The following FBXL19 variants were observed in gnomAD, a reference collection of about 807,000 sequenced individuals.
FBXL19 encodes the protein F-box/LRR-repeat protein 19.
Under a neutral mutation model 71.2 loss-of-function variants are expected in FBXL19, and 16 were observed. That is an observed-to-expected ratio of 0.22 (90% CI 0.15 to 0.34). The LOEUF is 0.34. FBXL19 is among the 10% of genes least tolerant of loss of function. The pLI is 1.00. For synonymous variants in FBXL19, 447 were observed against 409.4 expected (o/e 1.09, Z -1.11); for missense variants, 658 against 968.2 (o/e 0.68, Z 4.25).
In FBXL19 at chr16:30,931,200, T is replaced by A. The variant is rs79714718; in HGVS notation, c.1301+616T>A. 2.5e-3 allele frequency among the ~76,000 whole-genome samples: 375 copies of A among 152,124 alleles called. 1 individual carries two copies. Among genetic ancestry groups the A allele is most frequent in the Non-Finnish European group, 3.6e-3 (242 of 67,998 alleles). The stretch of plus-strand genomic sequence containing the variant: ...GAAATGTCGGTCATCCTCCCGAGCC[T>A]CTTGTCTTCCTCTCTGATCTCGCCC... On this transcript the variant is annotated intron_variant, in intron 7 of 10. Transcript: ENST00000338343.
At chr16:30,931,127 C>A (rs926683543) in intron 7 of FBXL19, among the ~76,000 whole-genome samples, 1 of 152,110 alleles carries the variant, frequency 6.6e-6, no homozygotes, top group African/African-American at 2.4e-5. Flanking sequence ...TGCCCTGGAG[C>A]CACCACTAAT....
intron 1 of FBXL19, chr16:30,924,697 TC>T: frequency 6.9e-7 from 1 of 1,449,766 alleles, no homozygotes; most frequent in South Asian, 1.5e-5. Context: ...TCCAGGCCCC[TC>T]CCCTGGAGCG....
intron 6 of FBXL19, among the ~76,000 whole-genome samples, chr16:30,928,948 C>T (rs951013809): frequency 6.6e-6 from 1 of 152,208 alleles, no homozygotes; most frequent in Non-Finnish European, 1.5e-5. Context: ...TGTCAGCCAC[C>T]CTGAGCCTTA....
chr16:30,928,144 G>A (rs140284574), intron 5 of FBXL19, among the ~76,000 whole-genome samples, 181 bp downstream of exon 5: 6 of 151,710 alleles, frequency 4.0e-5, no homozygotes, highest in Non-Finnish European at 8.8e-5. Flanking sequence ...TGTGGAGGAG[G>A]GGGGGGACAG....
chr16:30,936,816 C>G (rs1232474004), intron 7 of FBXL19, among the ~76,000 whole-genome samples: 2 of 149,592 alleles, frequency 1.3e-5, no homozygotes, highest in African/African-American at 5.0e-5. Flanking sequence ...GGTCTCGGCT[C>G]ACTGCAACCT....
chr16:30,942,601 G>T lies in FBXL19; in HGVS notation c.1627+65G>T. On this transcript the variant is annotated intron_variant, in intron 9 of 10. Coordinates refer to ENST00000338343, the MANE Select transcript of FBXL19 (RefSeq NM_001382779.1). The surrounding 1 kb of genome is among the most constrained non-coding windows in gnomAD (Gnocchi z 5.7). ...AAGGGTAGGGTAGGAGGCCTCTCAG[G>T]TCTCTTCTGACTCATGCTGGATGGT... 2 of 1,480,736 alleles carry T rather than the reference G, an allele frequency of 1.4e-6. No homozygotes were observed. Among genetic ancestry groups the T allele is most frequent in the Non-Finnish European group, 9.0e-7 (1 of 1,114,864 alleles). 91.7% of individuals were successfully genotyped at this position (1,480,736 alleles called of 1,614,324 possible). A position where few individuals can be genotyped will look rare whatever the true frequency, so the allele number is the denominator to read the frequency against.
intron 7 of FBXL19, among the ~76,000 whole-genome samples, chr16:30,935,478 G>A (rs1316900180): frequency 1.3e-5 from 2 of 152,168 alleles, no homozygotes; most frequent in Admixed American, 6.6e-5. Context: ...CAGCAGGGAA[G>A]GCGTGCAGGG....
chr16:30,931,362 G>A (rs2143333115), intron 7 of FBXL19, among the ~76,000 whole-genome samples: 1 of 152,086 alleles, frequency 6.6e-6, no homozygotes, highest in East Asian at 1.9e-4. Context: ...GCTGGGGTGG[G>A]AGCAGATAAC....
At chr16:30,931,809 C>T (rs1444879959) in intron 7 of FBXL19, among the ~76,000 whole-genome samples, 1 of 152,094 alleles carries the variant, frequency 6.6e-6, no homozygotes, top group East Asian at 1.9e-4. Context: ...TGATTGCAAC[C>T]TCTGCCTCCC....
At chr16:30,931,789 T>C (rs1194718865) in intron 7 of FBXL19, among the ~76,000 whole-genome samples, 3 of 152,076 alleles carry the variant, frequency 2.0e-5, no homozygotes, top group Admixed American at 2.0e-4. Flanking sequence ...TGCAGTGGCA[T>C]GATCTTGGCT....
intron 9 of FBXL19, among the ~76,000 whole-genome samples, chr16:30,944,993 G>A (rs2055843106): frequency 6.6e-6 from 1 of 152,222 alleles, no homozygotes; most frequent in Non-Finnish European, 1.5e-5. Flanking sequence ...CTGGTGGGAA[G>A]GAGTGCCTAG....
chr16:30,922,859 G>A, upstream of FBXL19: 1 of 353,304 alleles, frequency 2.8e-6, no homozygotes, highest in Non-Finnish European at 5.7e-6. Flanking sequence ...GGGATTTCGA[G>A]ACCACAGGCG....
At chr16:30,939,702 G>A (rs1684888116) in intron 7 of FBXL19, among the ~76,000 whole-genome samples, 1 of 152,008 alleles carries the variant, frequency 6.6e-6, no homozygotes, top group Non-Finnish European at 1.5e-5. Flanking sequence ...ACACGCATGA[G>A]CCACCGCGCC....
Position 30,937,193 on chromosome 16 carries a change from T to C in FBXL19, c.1302-4923T>C, listed in dbSNP as rs565454934. ...GTTAGTAGTGCTGAAGTCACTGTGA[T>C]CAGCGTGACTCTGGTTATGATGATG... On this transcript the variant is annotated intron_variant, in intron 7 of 10. Transcript: ENST00000338343. Among the ~76,000 whole-genome samples, 33 of 152,210 alleles carry C rather than the reference T, an allele frequency of 2.2e-4. 1 individual carries two copies. Among genetic ancestry groups the C allele is most frequent in the Admixed American group, 1.4e-3 (22 of 15,282 alleles).
chr16:30,930,612 C>T lies in FBXL19; in HGVS notation c.1301+28C>T, dbSNP rs868810585. On this transcript the variant is annotated intron_variant, in intron 7 of 10. Transcript: ENST00000338343. This position sits in a 1 kb window ranked among gnomAD's most constrained non-coding sequence, Gnocchi z 8.5. ...GAGTGGCCTGGACAGGCCTGCGTTC[C>T]GTGGCCAGCAGGCTTCCCGCTTGCT... The T allele has an allele frequency of 2.9e-5, 41 of 1,404,982 alleles. No individual in the cohort carries two copies. The highest frequency in any genetic ancestry group is 9.5e-5 in the Admixed American group (3 of 31,594). 87.0% of individuals were successfully genotyped at this position (1,404,982 alleles called of 1,614,324 possible).
In FBXL19 at chr16:30,925,522, G is replaced by A; in HGVS notation, c.-24-209G>A. 2.1e-6 allele frequency: 1 copy of A among 469,544 alleles called. No homozygotes were observed. Among genetic ancestry groups the A allele is most frequent in the South Asian group, 4.7e-5 (1 of 21,306 alleles). 29.1% of individuals were successfully genotyped at this position (469,544 alleles called of 1,614,324 possible). The stretch of plus-strand genomic sequence containing the variant: ...GGAGGCGGTAGAGGAGCGAGGCCAG[G>A]AAGCAGTTCTTGGGCTCCTCTTGAG... On this transcript the variant is annotated intron_variant, in intron 1 of 10. Transcript: ENST00000338343. The surrounding 1 kb of genome is among the most constrained non-coding windows in gnomAD (Gnocchi z 5.0).
At chr16:30,937,022 G>A (rs991247711) in intron 7 of FBXL19, among the ~76,000 whole-genome samples, 6 of 152,122 alleles carry the variant, frequency 3.9e-5, no homozygotes, top group Non-Finnish European at 5.9e-5. Flanking sequence ...ATTAACAGGC[G>A]TGAGCCACCG....
chr16:30,936,610 T>TC (rs1431673483), intron 7 of FBXL19, among the ~76,000 whole-genome samples: 1 of 148,148 alleles, frequency 6.8e-6, no homozygotes, highest in Non-Finnish European at 1.5e-5. Flanking sequence ...TCTTTTTTTT[T>TC]TTTTTTTTTT....
chr16:30,946,684 G>C lies in FBXL19; in HGVS notation c.1628-46G>C, dbSNP rs1195287869. The C allele has an allele frequency of 6.4e-7, 1 of 1,559,018 alleles. No individual in the cohort carries two copies. The highest frequency in any genetic ancestry group is 1.4e-5 in the African/African-American group (1 of 73,994). ...CAGATGGTCTGGATACCTGGGCGCA[G>C]GGATGGGAGTGGCCAGGAGTGCTGA... On this transcript the variant is annotated intron_variant, in intron 9 of 10. Transcript: ENST00000338343. The surrounding 1 kb of genome is among the most constrained non-coding windows in gnomAD (Gnocchi z 6.7).
Sources: gnomAD v4.1 joint callset for allele counts (sites outside exome capture counted in the v4.1 genomes callset) on GRCh38, gnomAD v4.1.1 for gene constraint, Gnocchi (gnomAD v3.1) non-coding constraint, MANE v1.5 for transcripts, NCBI Gene and HGNC (gene_info 2026-07-23, HGNC 2026-07-21) for gene names.